Variants in CACNA1I observed in about 807,000 individuals in gnomAD.
CACNA1I encodes voltage-dependent T-type calcium channel subunit alpha-1I.
CACNA1I carries 74 observed loss-of-function variants against 201.6 expected under a neutral mutation model. That is an observed-to-expected ratio of 0.37 (90% CI 0.30 to 0.45). The LOEUF is 0.45. CACNA1I is among the 20% of genes least tolerant of loss of function. The probability of loss-of-function intolerance (pLI) is 1.00; values close to 1 mark genes in which losing one functional copy is unlikely to be tolerated. For missense variants in CACNA1I, 2,346 were observed against 3,138.1 expected, an observed-to-expected ratio of 0.75 and a Z score of 6.03; for synonymous variants, 1,431 against 1,345.2, an observed-to-expected ratio of 1.06 and a Z score of -1.40.
chr22:39,663,961 G>A, intron 19 of CACNA1I, 120 bp downstream of exon 19: 3 of 1,530,422 alleles, frequency 2.0e-6, no homozygotes, highest in Non-Finnish European at 2.7e-6. Flanking sequence ...TTGCCTTTGG[G>A]GCGGGGAAAG....
chr22:39,634,756 C>A (rs181348639), intron 5 of CACNA1I, 32 bp downstream of exon 5: 2 of 1,600,838 alleles, frequency 1.2e-6, no homozygotes, highest in Non-Finnish European at 1.7e-6. Context: ...CATGCAGCTC[C>A]GGGGACTCTT....
At chr22:39,663,616 C>G (rs765118022) in intron 18 of CACNA1I, 102 bp from the exon 19 acceptor site, 450 of 1,414,562 alleles carry the variant, frequency 3.2e-4, no homozygotes, top group Non-Finnish European at 4.2e-4. Flanking sequence ...GTTGCTTCCT[C>G]GAGGCCAGCG....
At chr22:39,616,764 C>CAA (rs66551782) in intron 3 of CACNA1I, among the ~76,000 whole-genome samples, 6 of 107,364 alleles carry the variant, frequency 5.6e-5, no homozygotes, top group Admixed American at 1.8e-4. Context: ...AACTCTGTCT[C>CAA]AAAAAAAAAA....
intron 3 of CACNA1I, among the ~76,000 whole-genome samples, chr22:39,613,177 C>G (rs1933431080): frequency 1.3e-5 from 2 of 151,688 alleles, no homozygotes; most frequent in Non-Finnish European, 2.9e-5. Flanking sequence ...CAGCTCCAAG[C>G]TTTTTTTTTC....
chr22:39,668,237 A>C (rs1045723926), intron 23 of CACNA1I, 55 bp from the exon 24 acceptor site: 1 of 1,056,560 alleles, frequency 9.5e-7, no homozygotes, highest in Non-Finnish European at 1.5e-6. Context: ...GGGTGGCTGC[A>C]GCTGGAGTCA....
chr22:39,674,560 G>A (rs988773759), intron 29 of CACNA1I, among the ~76,000 whole-genome samples: 1 of 152,196 alleles, frequency 6.6e-6, no homozygotes, highest in African/African-American at 2.4e-5. Context: ...AGTTAGGGAA[G>A]TTGCTCTACC....
At chr22:39,642,068 T>TCCG (rs1419672180) in intron 6 of CACNA1I, among the ~76,000 whole-genome samples, 6 of 152,110 alleles carry the variant, frequency 3.9e-5, no homozygotes, top group African/African-American at 1.4e-4. Context: ...AGGGCTGAAC[T>TCCG]CTGCTGCCTC....
chr22:39,590,546 G>T (rs1378855065), intron 1 of CACNA1I, among the ~76,000 whole-genome samples: 1 of 152,232 alleles, frequency 6.6e-6, no homozygotes, highest in Admixed American at 6.5e-5. Flanking sequence ...TGTGGGTGGG[G>T]AGGAAAGAGC....
rs1422413564 is a variant in CACNA1I at position 39,662,393 on chromosome 22, C to A, written c.3330C>A (p.Gly1110=). ...SIAKDVFTKM[G]DRGDRGEDEE... is the part of the protein sequence containing the mutation. ...CCAAAGACGTCTTCACCAAGATGGG[C>A]GACCGCGGGGATCGCGGGGAGGATG... Residue 1110 remains glycine, a synonymous_variant, in exon 17 of 37, where the codon GGC becomes GGA. Transcript: ENST00000402142. The A allele has an allele frequency of 4.1e-6, 6 of 1,471,858 alleles. No homozygotes were observed. The highest frequency in any genetic ancestry group is 1.5e-5 in the African/African-American group (1 of 67,466). 91.2% of individuals were successfully genotyped at this position (1,471,858 alleles called of 1,614,324 possible).
At chr22:39,656,118 T>C (rs1934809329) in intron 10 of CACNA1I, among the ~76,000 whole-genome samples, 1 of 152,218 alleles carries the variant, frequency 6.6e-6, no homozygotes, top group African/African-American at 2.4e-5. Context: ...GAGTCAGATG[T>C]AATTACAGAT....
chr22:39,584,468 C>CCTGGGG (rs1932678068), intron 1 of CACNA1I, among the ~76,000 whole-genome samples: 2 of 152,136 alleles, frequency 1.3e-5, no homozygotes, highest in Admixed American at 6.5e-5. Flanking sequence ...AGTCAGGGTT[C>CCTGGGG]CTGGGGCTGG....
Position 39,679,166 on chromosome 22 carries a change from G to A in CACNA1I, c.5115G>A (p.Val1705=), listed in dbSNP as rs1935603356. 1.3e-6 allele frequency: 2 copies of A among 1,592,226 alleles called. No homozygotes were observed. The highest frequency in any genetic ancestry group is 1.7e-6 in the Non-Finnish European group (2 of 1,170,606). Residue 1705 remains valine (V), a synonymous_variant, in exon 32 of 37, where the codon GTG becomes GTA. Coordinates refer to ENST00000402142, the MANE Select transcript of CACNA1I (RefSeq NM_021096.4). ...GCTGCCTGAGCAGCCTGCAGTTTGT[G>A]TCGCCGCTGTACTTCGTGAGCTTCG... The part of the protein sequence containing the change: ...ERSCLSSLQF[V]SPLYFVSFVL...
chr22:39,680,379 G>A (rs1270592056), intron 33 of CACNA1I, among the ~76,000 whole-genome samples: 2 of 152,090 alleles, frequency 1.3e-5, no homozygotes, highest in Admixed American at 1.3e-4. Flanking sequence ...GGGCCCCTGA[G>A]CTCTCCCTGG....
At chr22:39,670,510 C>T (rs1935339533) in intron 25 of CACNA1I, among the ~76,000 whole-genome samples, 1 of 152,176 alleles carries the variant, frequency 6.6e-6, no homozygotes, top group Non-Finnish European at 1.5e-5. Flanking sequence ...TGCCCTGGGC[C>T]ATGGGAAACC....
At chr22:39,682,315 C>T (rs560442788) in intron 34 of CACNA1I, among the ~76,000 whole-genome samples, 181 bp from the exon 35 acceptor site, 19 of 152,128 alleles carry the variant, frequency 1.2e-4, no homozygotes, top group African/African-American at 4.6e-4. Flanking sequence ...AGTGGGCATT[C>T]GGAGGTGGAT....
In CACNA1I at chr22:39,685,686, C is replaced by A; in HGVS notation, c.6028-75C>A. 1 of 1,229,320 alleles carries A rather than the reference C, an allele frequency of 8.1e-7. No individual in the cohort carries two copies. The highest frequency in any genetic ancestry group is 1.8e-5 in the South Asian group (1 of 55,892). The allele number at this position is 1,229,320 out of a possible 1,614,324, so 76.2% of individuals were successfully genotyped here. ...TGGGGTCTGCCTGCTGCCTGCTGTG[C>A]GGGGGAGGGCGGCGTCCAGGTTGCT... On this transcript the variant is annotated intron_variant, in intron 36 of 36. Coordinates refer to ENST00000402142, the MANE Select transcript of CACNA1I (RefSeq NM_021096.4). This position sits in a 1 kb window ranked among gnomAD's most constrained non-coding sequence, Gnocchi z 5.0.
At chr22:39,617,017 G>T (rs1933558230) in intron 3 of CACNA1I, among the ~76,000 whole-genome samples, 1 of 152,132 alleles carries the variant, frequency 6.6e-6, no homozygotes, top group South Asian at 2.1e-4. Context: ...GCCAGTCATG[G>T]ATGTGGCTTG....
chr22:39,586,720 G>C (rs1353670416), intron 1 of CACNA1I, among the ~76,000 whole-genome samples: 1 of 152,154 alleles, frequency 6.6e-6, no homozygotes, highest in South Asian at 2.1e-4. Flanking sequence ...GAACACAGAC[G>C]TGTGTTCAGG....
chr22:39,663,933 G>A (rs1046311179), intron 19 of CACNA1I, 92 bp downstream of exon 19: 74 of 1,564,182 alleles, frequency 4.7e-5, no homozygotes, highest in Non-Finnish European at 6.0e-5. Context: ...ACCGAGGTGG[G>A]GAGGCAGGAC....
Sources: gnomAD v4.1 joint callset for allele counts (sites outside exome capture counted in the v4.1 genomes callset) on GRCh38, gnomAD v4.1.1 for gene constraint, Gnocchi (gnomAD v3.1) non-coding constraint, MANE v1.5 for transcripts, NCBI Gene and HGNC (gene_info 2026-07-23, HGNC 2026-07-21) for gene names.